The following GPBAR1 variants were observed in gnomAD, a reference collection of about 807,000 sequenced individuals.
GPBAR1 encodes the protein G protein-coupled bile acid receptor 1.
GPBAR1 carries 13 observed loss-of-function variants against 13.0 expected under a neutral mutation model. The ratio of observed to expected loss-of-function variants is 1.00; its 90% CI spans 0.65 to 1.59. The LOEUF is 1.59. GPBAR1 is among the 40% of genes most tolerant of loss of function. GPBAR1 has a pLI of 0.00. For synonymous variants in GPBAR1, 193 were observed against 205.2 expected, an observed-to-expected ratio of 0.94 and a Z score of 0.51; for missense variants, 398 against 436.4, an observed-to-expected ratio of 0.91 and a Z score of 0.78.
At position 218,263,360 on chromosome 2, in the gene GPBAR1, C is replaced by T. The variant is rs150118963; in HGVS notation, c.636C>T (p.Ser212=). The change falls in exon 2 of 2, where the codon TCC becomes TCT. Residue 212 remains serine (S), a synonymous_variant. Coordinates refer to ENST00000519574, the MANE Select transcript of GPBAR1 (RefSeq NM_170699.3). This position sits in a 1 kb window ranked among gnomAD's most constrained non-coding sequence, Gnocchi z 4.2. ...LERAVCRDEP[S]ALARALTWRQ... ...GGGCAGTGTGCCGCGATGAGCCCTC[C>T]GCCCTGGCCCGGGCCCTTACCTGGA... The T allele has an allele frequency of 2.2e-3, 3,537 of 1,597,402 alleles. 9 individuals are homozygous for T. The highest frequency in any genetic ancestry group is 3.0e-3 in the South Asian group (265 of 89,600).
intron 1 of GPBAR1, among the ~76,000 whole-genome samples, chr2:218,261,508 T>G (rs1690413465): frequency 6.6e-6 from 1 of 152,056 alleles, no homozygotes; most frequent in African/African-American, 2.4e-5. Flanking sequence ...GAACAGAAAC[T>G]GCAAGGCCTC....
chr2:218,263,284 G>A lies in GPBAR1; in HGVS notation c.560G>A (p.Arg187His), dbSNP rs201063611. The A allele has an allele frequency of 1.6e-4, 265 of 1,607,042 alleles. No homozygotes were observed. The highest frequency in any genetic ancestry group is 2.1e-4 in the Non-Finnish European group (247 of 1,179,732). Residue 187 changes from arginine to histidine, a missense_variant, in exon 2 of 2, where the codon CGC (arginine) becomes CAC (histidine). Physicochemically the swap from Arg to His is conservative, Grantham distance 29. Coordinates refer to ENST00000519574, the MANE Select transcript of GPBAR1 (RefSeq NM_170699.3). This position sits in a 1 kb window ranked among gnomAD's most constrained non-coding sequence, Gnocchi z 4.2. The part of the protein sequence containing the change: ...AVGAAAFLSV[R>H]VLATAHRQLQ... ...GGTGCTGCTGCCTTCCTCTCTGTCC[G>A]CGTGCTGGCCACTGCCCACCGCCAG...
At chr2:218,261,645 G>A (rs1690417364) in intron 1 of GPBAR1, among the ~76,000 whole-genome samples, 1 of 152,164 alleles carries the variant, frequency 6.6e-6, no homozygotes. Flanking sequence ...GGGGAACCTG[G>A]GAAGGAAGGG....
rs149245876 is a variant in GPBAR1 at position 218,263,373 on chromosome 2, G to C, written c.649G>C (p.Ala217Pro). ...CGATGAGCCCTCCGCCCTGGCCCGG[G>C]CCCTTACCTGGAGGCAGGCAAGGGC... ...CRDEPSALAR[A>P]LTWRQARAQA... is the part of the protein sequence containing the mutation. The change falls in exon 2 of 2, where the codon GCC becomes CCC. Residue 217 changes from alanine to proline, a missense_variant. Transcript: ENST00000519574. This position sits in a 1 kb window ranked among gnomAD's most constrained non-coding sequence, Gnocchi z 4.2. The C allele has an allele frequency of 2.7e-3, 4,340 of 1,598,040 alleles. 14 individuals are homozygous for C. The highest frequency in any genetic ancestry group is 3.4e-3 in the Non-Finnish European group (4,021 of 1,174,130).
chr2:218,262,410 G>A lies in GPBAR1; in HGVS notation c.-45-270G>A. 2.8e-6 allele frequency: 1 copy of A among 354,072 alleles called. No individual in the cohort carries two copies. The allele number at this position is 354,072 out of a possible 1,614,324, so 21.9% of individuals were successfully genotyped here. ...TACCAGAAATGGATAAAGCTGGCTG[G>A]GTGGGGACTGTCCGAAGGGCAGCCA... On this transcript the variant is annotated intron_variant, in intron 1 of 1. Transcript: ENST00000519574. This position sits in a 1 kb window ranked among gnomAD's most constrained non-coding sequence, Gnocchi z 5.1.
rs1231164603 is a variant in GPBAR1, at chr2:218,262,719, A to T, written c.-6A>T. 1.9e-6 allele frequency: 3 copies of T among 1,572,632 alleles called. No individual in the cohort carries two copies. The East Asian group carries it at 6.8e-5, about 36-fold the overall frequency. ...GCTCCAGGACTCCCCTGTCCCCAGG[A>T]CCAAGATGACGCCCAACAGCACTGG... On this transcript the variant is annotated 5_prime_UTR_variant, in exon 2 of 2. Coordinates refer to ENST00000519574, the MANE Select transcript of GPBAR1 (RefSeq NM_170699.3). This position sits in a 1 kb window ranked among gnomAD's most constrained non-coding sequence, Gnocchi z 5.1.
Position 218,263,630 on chromosome 2 carries a change from G to A in GPBAR1, c.906G>A (p.Leu302=). The A allele has an allele frequency of 6.2e-7, 1 of 1,612,780 alleles. No individual in the cohort carries two copies. Among genetic ancestry groups the A allele is most frequent in the Non-Finnish European group, 8.5e-7 (1 of 1,179,786 alleles). The change falls in exon 2 of 2, where the codon CTG becomes CTA. Residue 302 remains leucine (L), a synonymous_variant. Coordinates refer to ENST00000519574, the MANE Select transcript of GPBAR1 (RefSeq NM_170699.3). The surrounding 1 kb of genome is among the most constrained non-coding windows in gnomAD (Gnocchi z 4.2). The stretch of plus-strand genomic sequence containing the variant: ...CCGCCCAAAGGTGCCTGCAGGGGCT[G>A]TGGGGAAGAGCCTCCCGGGACAGTC... ...RAAAQRCLQG[L]WGRASRDSPG... is the part of the protein sequence containing the mutation.
chr2:218,263,653 G>A lies in GPBAR1; in HGVS notation c.929G>A (p.Ser310Asn), dbSNP rs1409858419. 6.2e-7 allele frequency: 1 copy of A among 1,612,878 alleles called. No homozygotes were observed. Among genetic ancestry groups the A allele is most frequent in the South Asian group, 1.1e-5 (1 of 91,084 alleles). Residue 310 changes from serine to asparagine, a missense_variant, in exon 2 of 2, where the codon AGT becomes AAT. Physicochemically the swap from Ser to Asn is conservative, Grantham distance 46. Transcript: ENST00000519574. The surrounding 1 kb of genome is among the most constrained non-coding windows in gnomAD (Gnocchi z 4.2). ...QGLWGRASRD[S>N]PGPSIAYHPS... ...CTGTGGGGAAGAGCCTCCCGGGACA[G>A]TCCCGGCCCCAGCATTGCCTACCAC...
At chr2:218,259,613 C>T (rs1399195122), upstream of GPBAR1, 1 of 152,356 alleles carries the variant, frequency 6.6e-6, no homozygotes, top group African/African-American at 2.4e-5. Context: ...CTTTTTGTCC[C>T]AACAGAAGTC....
rs796792314 is a variant in GPBAR1 at position 218,262,200 on chromosome 2, G to C, written c.-45-480G>C. On this transcript the variant is annotated intron_variant, in intron 1 of 1. Coordinates refer to ENST00000519574, the MANE Select transcript of GPBAR1 (RefSeq NM_170699.3). This position sits in a 1 kb window ranked among gnomAD's most constrained non-coding sequence, Gnocchi z 5.1. ...AAGGGTGCAGGGTGCCCGAGACCTG[G>C]CCCGCTGGAGCCTGTCACCTAATGG... The C allele has an allele frequency of 6.4e-6, 1 of 155,766 alleles. No homozygotes were observed. Among genetic ancestry groups the C allele is most frequent in the African/African-American group, 2.4e-5 (1 of 41,594 alleles). 9.6% of individuals were successfully genotyped at this position (155,766 alleles called of 1,614,324 possible). A position where few individuals can be genotyped will look rare whatever the true frequency, so the allele number is the denominator to read the frequency against.
chr2:218,262,999 C>T lies in GPBAR1; in HGVS notation c.275C>T (p.Pro92Leu), dbSNP rs1690482051. The change falls in exon 2 of 2, where the codon CCC (proline) becomes CTC (leucine). Residue 92 changes from proline (P) to leucine (L), a missense_variant. Pro to Leu is a moderately conservative substitution (Grantham distance 98). Coordinates refer to ENST00000519574, the MANE Select transcript of GPBAR1 (RefSeq NM_170699.3). The surrounding 1 kb of genome is among the most constrained non-coding windows in gnomAD (Gnocchi z 5.1). ...YWSCLLVYLA[P>L]NFSFLSLLAN... is the part of the protein sequence containing the mutation. ...TCCTGCCTCCTCGTCTACTTGGCTC[C>T]CAACTTCTCCTTCCTCTCCCTGCTT... 6.2e-7 allele frequency: 1 copy of T among 1,613,768 alleles called. No individual in the cohort carries two copies. Among genetic ancestry groups the T allele is most frequent in the Non-Finnish European group, 8.5e-7 (1 of 1,179,860 alleles).
Position 218,262,724 on chromosome 2 carries a change from G to A in GPBAR1, c.-1G>A, listed in dbSNP as rs200558126. On this transcript the variant is annotated 5_prime_UTR_variant, in exon 2 of 2. Transcript: ENST00000519574. The surrounding 1 kb of genome is among the most constrained non-coding windows in gnomAD (Gnocchi z 5.1). ...AGGACTCCCCTGTCCCCAGGACCAA[G>A]ATGACGCCCAACAGCACTGGCGAGG... 70 of 1,578,264 alleles carry A rather than the reference G, an allele frequency of 4.4e-5. No homozygotes were observed. In the Middle Eastern group the frequency reaches 1.7e-3, roughly 38 times the overall value.
In GPBAR1 at chr2:218,262,447, C is replaced by T. The variant is rs148977822; in HGVS notation, c.-45-233C>T. On this transcript the variant is annotated intron_variant, in intron 1 of 1. Coordinates refer to ENST00000519574, the MANE Select transcript of GPBAR1 (RefSeq NM_170699.3). The surrounding 1 kb of genome is among the most constrained non-coding windows in gnomAD (Gnocchi z 5.1). ...CCGAAGGGCAGCCAGCAGTGAGCTCCGGCTGGTTGCTACCACACAGGACAT... is the reference window on the plus strand; with the variant it reads ...CCGAAGGGCAGCCAGCAGTGAGCTCTGGCTGGTTGCTACCACACAGGACAT... The T allele has an allele frequency of 1.3e-4, 57 of 441,076 alleles. No homozygotes were observed. The highest frequency in any genetic ancestry group is 6.1e-4 in the Middle Eastern group (1 of 1,634). The allele number at this position is 441,076 out of a possible 1,614,324, so 27.3% of individuals were successfully genotyped here.
In GPBAR1 at chr2:218,262,708, C is replaced by T. The variant is rs1351148999; in HGVS notation, c.-17C>T. On this transcript the variant is annotated 5_prime_UTR_variant, in exon 2 of 2. Transcript: ENST00000519574. This position sits in a 1 kb window ranked among gnomAD's most constrained non-coding sequence, Gnocchi z 5.1. ...TGCCGGCTGCCGCTCCAGGACTCCC[C>T]TGTCCCCAGGACCAAGATGACGCCC... The T allele has an allele frequency of 6.4e-7, 1 of 1,556,476 alleles. No individual in the cohort carries two copies. Among genetic ancestry groups the T allele is most frequent in the South Asian group, 1.2e-5 (1 of 83,762 alleles).
rs199556363 is a variant in GPBAR1, at chr2:218,263,129, C to T, written c.405C>T (p.Pro135=). The change falls in exon 2 of 2, where the codon CCC becomes CCT. Residue 135 remains proline, a synonymous_variant. Transcript: ENST00000519574. The surrounding 1 kb of genome is among the most constrained non-coding windows in gnomAD (Gnocchi z 4.2). ...RLALLLTWAG[P]LLFASLPALG... Reference sequence around the variant, plus strand: ...CCCTGCTCCTCACCTGGGCTGGTCCCCTGCTCTTTGCCAGTCTGCCCGCTC... The same window carrying T: ...CCCTGCTCCTCACCTGGGCTGGTCCTCTGCTCTTTGCCAGTCTGCCCGCTC... The T allele has an allele frequency of 6.2e-7, 1 of 1,612,534 alleles. No individual in the cohort carries two copies. Among genetic ancestry groups the T allele is most frequent in the Admixed American group, 1.7e-5 (1 of 60,012 alleles).
chr2:218,261,658 G>A (rs973320577), intron 1 of GPBAR1, among the ~76,000 whole-genome samples: 1 of 152,174 alleles, frequency 6.6e-6, no homozygotes, highest in African/African-American at 2.4e-5. Context: ...AGGAAGGGGA[G>A]CATCTTCCTT....
In GPBAR1 at chr2:218,263,538, A is replaced by G. The variant is rs144467445; in HGVS notation, c.814A>G (p.Ser272Gly). 1,763 of 1,612,266 alleles carry G rather than the reference A, an allele frequency of 1.1e-3. 4 individuals are homozygous for G. Among genetic ancestry groups the G allele is most frequent in the Non-Finnish European group, 1.4e-3 (1,619 of 1,179,618 alleles). ...LLSLLSLGSA[S>G]AAAVPVAMGL... ...GTCCCTCCTCTCCCTAGGAAGTGCC[A>G]GTGCAGCGGCAGTGCCCGTAGCCAT... is the stretch of plus-strand genomic sequence containing the variant. Residue 272 changes from serine to glycine, a missense_variant, in exon 2 of 2, where the codon AGT (serine) becomes GGT (glycine). By Grantham distance (56) the Ser-to-Gly change is moderately conservative. Transcript: ENST00000519574. The surrounding 1 kb of genome is among the most constrained non-coding windows in gnomAD (Gnocchi z 4.2).
rs199637113 is a variant in GPBAR1, at chr2:218,263,286, G to A, written c.562G>A (p.Val188Met). 1.5e-4 allele frequency: 238 copies of A among 1,606,988 alleles called. No homozygotes were observed. The highest frequency in any genetic ancestry group is 5.5e-4 in the Admixed American group (33 of 59,974). The part of the protein sequence containing the change: ...VGAAAFLSVR[V>M]LATAHRQLQD... ...TGCTGCTGCCTTCCTCTCTGTCCGC[G>A]TGCTGGCCACTGCCCACCGCCAGCT... Residue 188 changes from valine to methionine, a missense_variant, in exon 2 of 2, where the codon GTG (valine) becomes ATG (methionine). Coordinates refer to ENST00000519574, the MANE Select transcript of GPBAR1 (RefSeq NM_170699.3). The surrounding 1 kb of genome is among the most constrained non-coding windows in gnomAD (Gnocchi z 4.2).
rs1390852985 is a variant in GPBAR1 at position 218,263,567 on chromosome 2, G to A, written c.843G>A (p.Gly281=). Residue 281 remains glycine, a synonymous_variant, in exon 2 of 2, where the codon GGG becomes GGA. Transcript: ENST00000519574. The surrounding 1 kb of genome is among the most constrained non-coding windows in gnomAD (Gnocchi z 4.2). ...CAGCGGCAGTGCCCGTAGCCATGGG[G>A]CTGGGCGATCAGCGCTACACAGCCC... The part of the protein sequence containing the change: ...ASAAAVPVAM[G]LGDQRYTAPW... 6.2e-7 allele frequency: 1 copy of A among 1,612,532 alleles called. No homozygotes were observed. The highest frequency in any genetic ancestry group is 1.7e-5 in the Admixed American group (1 of 59,978).
Sources: allele counts gnomAD v4.1 joint callset (sites outside exome capture counted in the v4.1 genomes callset), GRCh38; gene constraint gnomAD v4.1.1; non-coding constraint Gnocchi (gnomAD v3.1); transcripts MANE v1.5; gene names NCBI Gene and HGNC (gene_info 2026-07-23, HGNC 2026-07-21).